Variants in PRKG1 observed in about 807,000 individuals in gnomAD.
PRKG1 encodes protein kinase cGMP-dependent 1.
A neutral mutation model predicts 88.1 loss-of-function variants in PRKG1; 35 were observed. That is an observed-to-expected ratio of 0.40 (90% CI 0.30 to 0.53). The LOEUF (loss-of-function observed/expected upper bound fraction) is 0.53, where lower values mean the gene tolerates loss of function less well. Among genes scored for constraint, PRKG1 ranks in the 20% least tolerant of loss-of-function variants. The pLI, the probability that PRKG1 is intolerant of heterozygous loss-of-function variation, is 0.59. For missense variants in PRKG1, 540 were observed against 839.8 expected (o/e 0.64, Z 4.41); for synonymous variants, 303 against 292.5 (o/e 1.04, Z -0.37).
At chr10:51,546,356 G>T (rs564513658) in intron 3 of PRKG1, among the ~76,000 whole-genome samples, 5 of 152,072 alleles carry the variant, frequency 3.3e-5, no homozygotes, top group Admixed American at 3.3e-4. Flanking sequence ...TGTTGCAATT[G>T]TCTTTTTCAG....
At chr10:52,259,128 A>C (rs540537638) in intron 10 of PRKG1, among the ~76,000 whole-genome samples, 1 of 152,132 alleles carries the variant, frequency 6.6e-6, no homozygotes, top group South Asian at 2.1e-4. Flanking sequence ...TGCCAAAAAA[A>C]AAAAAAGAGT....
intron 3 of PRKG1, among the ~76,000 whole-genome samples, chr10:51,679,809 A>T (rs7903486): frequency 7.6e-6 from 1 of 131,050 alleles, no homozygotes; most frequent in Non-Finnish European, 1.6e-5. Context: ...TGCCATGCTG[A>T]TGCGCTGCAC....
At chr10:51,935,050 C>T (rs994890934) in intron 5 of PRKG1, among the ~76,000 whole-genome samples, 13 of 152,072 alleles carry the variant, frequency 8.5e-5, no homozygotes, top group African/African-American at 2.7e-4. Context: ...GTACTCATTA[C>T]CAGGCTTCTC....
At chr10:51,275,952 A>T (rs566172100) in intron 2 of PRKG1, among the ~76,000 whole-genome samples, 1 of 152,002 alleles carries the variant, frequency 6.6e-6, no homozygotes, top group African/African-American at 2.4e-5. Flanking sequence ...AAAGCAAAGA[A>T]GATGAAATTT....
At chr10:51,152,241 C>G (rs1267864298) in intron 1 of PRKG1, among the ~76,000 whole-genome samples, 1 of 152,024 alleles carries the variant, frequency 6.6e-6, no homozygotes, top group Non-Finnish European at 1.5e-5. Flanking sequence ...ATTCCAATTA[C>G]AAAATTTATG....
chr10:51,118,316 A>G (rs1845177437), intron 1 of PRKG1, among the ~76,000 whole-genome samples: 1 of 152,206 alleles, frequency 6.6e-6, no homozygotes, highest in South Asian at 2.1e-4. Context: ...TTTTAAGGGT[A>G]AATTTTAGAA....
intron 3 of PRKG1, among the ~76,000 whole-genome samples, chr10:51,671,458 C>G (rs188455314): frequency 1.4e-4 from 22 of 152,242 alleles, no homozygotes; most frequent in Non-Finnish European, 2.6e-4. Flanking sequence ...GTCCTAGTTT[C>G]TTTTTGCCAG....
intron 1 of PRKG1, among the ~76,000 whole-genome samples, chr10:51,067,840 T>C (rs1362177269): frequency 6.6e-6 from 1 of 152,082 alleles, no homozygotes; most frequent in African/African-American, 2.4e-5. Context: ...CTTCATTATA[T>C]AGGTGTTTGA....
At chr10:51,378,046 C>A (rs933832231) in intron 2 of PRKG1, among the ~76,000 whole-genome samples, 1 of 152,234 alleles carries the variant, frequency 6.6e-6, no homozygotes, top group Non-Finnish European at 1.5e-5. Flanking sequence ...TCTTACCAGG[C>A]TCCAGGATGT....
At chr10:51,577,969 A>C (rs992433789) in intron 3 of PRKG1, among the ~76,000 whole-genome samples, 8 of 152,222 alleles carry the variant, frequency 5.3e-5, no homozygotes, top group Non-Finnish European at 1.2e-4. Flanking sequence ...TTCTGTGACT[A>C]GTAGGCTACA....
chr10:51,441,177 A>G (rs1423953899), intron 2 of PRKG1, among the ~76,000 whole-genome samples: 1 of 151,894 alleles, frequency 6.6e-6, no homozygotes, highest in Non-Finnish European at 1.5e-5. Flanking sequence ...TATTGAAAAA[A>G]AAGTATCAAC....
chr10:51,702,291 GC>G (rs1564613792), intron 3 of PRKG1, among the ~76,000 whole-genome samples: 2 of 152,084 alleles, frequency 1.3e-5, no homozygotes, highest in African/African-American at 4.8e-5. Flanking sequence ...GGTTTGTCAT[GC>G]CCCCGTTCAT....
At chr10:51,239,025 T>A (rs1450600065) in intron 2 of PRKG1, among the ~76,000 whole-genome samples, 1 of 152,072 alleles carries the variant, frequency 6.6e-6, no homozygotes, top group Non-Finnish European at 1.5e-5. Context: ...TTAAAGAATT[T>A]GAGGTTATAA....
chr10:51,280,997 T>C (rs569543979), intron 2 of PRKG1, among the ~76,000 whole-genome samples: 1 of 152,348 alleles, frequency 6.6e-6, no homozygotes, highest in African/African-American at 2.4e-5. Context: ...TGTTGTTTTA[T>C]CTACTTTTGC....
At chr10:51,390,032 G>C (rs987766508) in intron 2 of PRKG1, among the ~76,000 whole-genome samples, 3 of 152,238 alleles carry the variant, frequency 2.0e-5, no homozygotes, top group African/African-American at 7.2e-5. Flanking sequence ...ATTCTAGCTA[G>C]AGCCAATGTG....
chr10:51,914,767 T>C (rs1297087136), intron 5 of PRKG1, among the ~76,000 whole-genome samples: 14 of 152,224 alleles, frequency 9.2e-5, no homozygotes, highest in Admixed American at 9.2e-4. Flanking sequence ...TGAGTTGTTC[T>C]GATTTGTGTC....
chr10:51,253,521 C>T (rs2132145438), intron 2 of PRKG1, among the ~76,000 whole-genome samples: 1 of 151,976 alleles, frequency 6.6e-6, no homozygotes, highest in Non-Finnish European at 1.5e-5. Context: ...TATTTAAACT[C>T]TGAGTTGGAT....
chr10:51,697,579 G>C (rs1841331514), intron 3 of PRKG1: 1 of 963,186 alleles, frequency 1.0e-6, no homozygotes, highest in East Asian at 2.5e-5. Flanking sequence ...AATAAGATTA[G>C]GTTCTAGGAG....
intron 6 of PRKG1, among the ~76,000 whole-genome samples, chr10:52,055,679 A>G (rs1846093910): frequency 6.6e-6 from 1 of 152,196 alleles, no homozygotes; most frequent in Non-Finnish European, 1.5e-5. Flanking sequence ...TATCATTACA[A>G]GGAATTCATA....
Sources: allele counts gnomAD v4.1 joint callset (sites outside exome capture counted in the v4.1 genomes callset), GRCh38; gene constraint gnomAD v4.1.1; transcripts MANE v1.5; gene names NCBI Gene and HGNC (gene_info 2026-07-23, HGNC 2026-07-21).